Variants in SCAPER observed in about 807,000 individuals in gnomAD.
SCAPER encodes S-phase cyclin A associated protein in the ER.
Under a neutral mutation model 182.2 loss-of-function variants are expected in SCAPER, and 98 were observed. The ratio of observed to expected loss-of-function variants is 0.54; its 90% CI spans 0.46 to 0.64. The LOEUF (loss-of-function observed/expected upper bound fraction) is 0.64. Ranked by LOEUF, SCAPER falls within the 30% of genes least tolerant of loss-of-function variation. SCAPER has a pLI of 0.00. For missense variants in SCAPER, 1,432 were observed against 1,690.0 expected (o/e 0.85, Z 2.68); for synonymous variants, 605 against 564.6 (o/e 1.07, Z -1.01).
intron 8 of SCAPER, among the ~76,000 whole-genome samples, chr15:76,794,620 CAGAA>C (rs1179375487): frequency 6.6e-6 from 1 of 152,176 alleles, no homozygotes; most frequent in Non-Finnish European, 1.5e-5. Context: ...CTGAAGAAAA[CAGAA>C]AGCAGTGTCT....
At chr15:76,699,769 A>T (rs896057960) in intron 20 of SCAPER, among the ~76,000 whole-genome samples, 8 of 152,202 alleles carry the variant, frequency 5.3e-5, no homozygotes, top group Non-Finnish European at 1.5e-5. Flanking sequence ...TCACTTCATC[A>T]ACATGGTGGT....
At chr15:76,827,464 C>A (rs1460191405) in intron 5 of SCAPER, among the ~76,000 whole-genome samples, 2 of 151,860 alleles carry the variant, frequency 1.3e-5, no homozygotes, top group Admixed American at 6.6e-5. Flanking sequence ...GTTTTAAAAG[C>A]CAAAATGATT....
intron 25 of SCAPER, among the ~76,000 whole-genome samples, chr15:76,456,196 T>A (rs1225921330): frequency 6.6e-6 from 1 of 152,162 alleles, no homozygotes; most frequent in Admixed American, 6.6e-5. Flanking sequence ...GTGATGGAAT[T>A]GCTGGGTCAA....
chr15:76,876,438 CA>C (rs33959211), intron 2 of SCAPER, among the ~76,000 whole-genome samples: 55,519 of 122,604 alleles, frequency 0.45, 12,152 homozygotes, highest in African/African-American at 0.64. Context: ...AAAACAAAAG[CA>C]AAAAAAAAAA....
At chr15:76,439,882 A>G (rs2047443736) in intron 25 of SCAPER, among the ~76,000 whole-genome samples, 1 of 152,236 alleles carries the variant, frequency 6.6e-6, no homozygotes, top group Non-Finnish European at 1.5e-5. Context: ...CTCAGGCAGA[A>G]ATCTAAAACC....
chr15:76,596,446 C>T lies in SCAPER; in HGVS notation c.2712-22162G>A, dbSNP rs1393162442. 1.7e-5 allele frequency among the ~76,000 whole-genome samples: 2 copies of T among 120,314 alleles called. 1 individual carries two copies. The highest frequency in any genetic ancestry group is 4.0e-5 in the Non-Finnish European group (2 of 49,684). 78.9% of individuals were successfully genotyped at this position (120,314 alleles called of 152,430 possible). On this transcript the variant is annotated intron_variant, in intron 22 of 31. Coordinates refer to ENST00000563290, the MANE Select transcript of SCAPER (RefSeq NM_020843.4). ...TTCAAACAATAGAAAAAGACGGACT[C>T]CTCCCTAACTCATTTTATGAGGCCA...
chr15:76,687,589 C>T (rs1196631918), intron 20 of SCAPER, among the ~76,000 whole-genome samples: 3 of 152,174 alleles, frequency 2.0e-5, no homozygotes, highest in African/African-American at 7.2e-5. Flanking sequence ...TATCCCTCCC[C>T]TAGCACCCCA....
chr15:76,799,538 C>T (rs1337272988), intron 7 of SCAPER, among the ~76,000 whole-genome samples: 4 of 152,102 alleles, frequency 2.6e-5, no homozygotes, highest in Admixed American at 2.6e-4. Context: ...GCTGGGATTA[C>T]AGGTGTTTTT....
intron 21 of SCAPER, among the ~76,000 whole-genome samples, chr15:76,637,742 ATGTG>A (rs55726181): frequency 0.038 from 4,011 of 104,920 alleles, 76 homozygotes; most frequent in East Asian, 0.094. Context: ...ATATATATAT[ATGTG>A]TGTGTGTGTG....
At chr15:76,726,124 A>AAAATATATATATATATATATATAT (rs1555555704) in intron 17 of SCAPER, among the ~76,000 whole-genome samples, 1 of 15,348 alleles carries the variant, frequency 6.5e-5, no homozygotes, top group Non-Finnish European at 1.8e-4. Context: ...TAATGTCTAG[A>AAAATATATATATATATATATATAT]ATATATATAT....
chr15:76,708,032 C>T (rs762160634), intron 17 of SCAPER, among the ~76,000 whole-genome samples: 3 of 152,070 alleles, frequency 2.0e-5, no homozygotes, highest in Admixed American at 6.6e-5. Flanking sequence ...ATATAGTTGT[C>T]GCTCAGTATC....
chr15:76,758,527 T>C (rs551306172), intron 14 of SCAPER, among the ~76,000 whole-genome samples: 2 of 152,184 alleles, frequency 1.3e-5, no homozygotes, highest in Non-Finnish European at 2.9e-5. Context: ...GTTATGACTA[T>C]AGCCTTTGCT....
chr15:76,890,684 C>T (rs1050560476), intron 1 of SCAPER, among the ~76,000 whole-genome samples: 1 of 152,102 alleles, frequency 6.6e-6, no homozygotes, highest in Non-Finnish European at 1.5e-5. Flanking sequence ...TAAGAGCCTA[C>T]CAACCAAAAA....
chr15:76,660,258 T>C (rs190410339), intron 21 of SCAPER, among the ~76,000 whole-genome samples: 2 of 152,180 alleles, frequency 1.3e-5, no homozygotes, highest in East Asian at 3.9e-4. Flanking sequence ...TGCAAGGATG[T>C]TGAAGATAAA....
chr15:76,513,356 T>A (rs145970924), intron 23 of SCAPER, among the ~76,000 whole-genome samples: 100 of 152,312 alleles, frequency 6.6e-4, no homozygotes, highest in African/African-American at 2.2e-3. Flanking sequence ...CCTAACAGTT[T>A]ATACATAAAG....
intron 8 of SCAPER, among the ~76,000 whole-genome samples, chr15:76,783,082 T>C (rs1598709833): frequency 6.6e-6 from 1 of 151,840 alleles, no homozygotes; most frequent in African/African-American, 2.4e-5. Context: ...AAAAAATACA[T>C]GAATCCAAGA....
intron 23 of SCAPER, among the ~76,000 whole-genome samples, chr15:76,572,062 G>A (rs2047468990): frequency 6.6e-6 from 1 of 152,128 alleles, no homozygotes; most frequent in Admixed American, 6.5e-5. Context: ...TTTAGACTGG[G>A]AGCCAGACAA....
At chr15:76,700,036 G>A (rs908417250) in intron 20 of SCAPER, among the ~76,000 whole-genome samples, 2 of 152,150 alleles carry the variant, frequency 1.3e-5, no homozygotes, top group Non-Finnish European at 2.9e-5. Flanking sequence ...GGGTCTCCTG[G>A]GGTAGGAGCT....
At position 76,823,141 on chromosome 15, in the gene SCAPER, T is replaced by C. The variant is rs371128381; in HGVS notation, c.394-18508A>G. Among the ~76,000 whole-genome samples, 4 of 152,356 alleles carry C rather than the reference T, an allele frequency of 2.6e-5. No homozygotes were observed. The East Asian group carries it at 7.7e-4, about 29-fold the overall frequency. ...CACTCAAAAACCTCAAAAATATTTT[T>C]CACTTATAAGTGTTTTTAAACATAG... On this transcript the variant is annotated intron_variant, in intron 5 of 31. Coordinates refer to ENST00000563290, the MANE Select transcript of SCAPER (RefSeq NM_020843.4).
Sources: gnomAD v4.1 joint callset for allele counts (sites outside exome capture counted in the v4.1 genomes callset) on GRCh38, gnomAD v4.1.1 for gene constraint, MANE v1.5 for transcripts, NCBI Gene and HGNC (gene_info 2026-07-23, HGNC 2026-07-21) for gene names.